EXOC4: variants seen among roughly 807,000 people sequenced by gnomAD.
EXOC4 encodes the protein SEC8-like 1.
In EXOC4, 71 loss-of-function variants were observed where a neutral mutation model predicts 107.2. The ratio of observed to expected loss-of-function variants is 0.66; its 90% confidence interval spans 0.55 to 0.81. EXOC4 has a LOEUF of 0.81. Among genes scored for constraint, EXOC4 ranks in the 30% least tolerant of loss-of-function variants. The probability of loss-of-function intolerance (pLI) is 0.00; values close to 1 mark genes in which losing one functional copy is unlikely to be tolerated. For missense variants in EXOC4, 1,108 were observed against 1,189.6 expected (o/e 0.93, Z 1.01); for synonymous variants, 456 against 441.2 (o/e 1.03, Z -0.42).
chr7:133,651,216 T>G (rs193052633), intron 10 of EXOC4, among the ~76,000 whole-genome samples: 201 of 152,252 alleles, frequency 1.3e-3, no homozygotes, highest in Non-Finnish European at 2.5e-3. Flanking sequence ...TAGCGCCTTC[T>G]GTTCTTTAGG....
chr7:133,935,685 A>G (rs952341402), intron 13 of EXOC4, among the ~76,000 whole-genome samples: 26 of 152,150 alleles, frequency 1.7e-4, no homozygotes, highest in African/African-American at 6.0e-4. Context: ...CCAAGTAAAA[A>G]CTGTTTGCAC....
chr7:133,788,350 A>G (rs1467509841), intron 10 of EXOC4, among the ~76,000 whole-genome samples: 2 of 151,998 alleles, frequency 1.3e-5, no homozygotes, highest in Non-Finnish European at 2.9e-5. Flanking sequence ...ATGTCTAATC[A>G]GTATCTTAAA....
chr7:133,640,760 T>A (rs1171391100), intron 10 of EXOC4, among the ~76,000 whole-genome samples: 1 of 152,196 alleles, frequency 6.6e-6, no homozygotes, highest in African/African-American at 2.4e-5. Context: ...TAATTGGCAA[T>A]TAACATGAGT....
At chr7:133,403,497 A>G (rs1797140798) in intron 7 of EXOC4, among the ~76,000 whole-genome samples, 1 of 149,942 alleles carries the variant, frequency 6.7e-6, no homozygotes, top group Admixed American at 6.6e-5. Context: ...AGCCCATTAT[A>G]GTGATTGGCA....
At chr7:133,541,301 T>C (rs1800374873) in intron 9 of EXOC4, among the ~76,000 whole-genome samples, 2 of 152,118 alleles carry the variant, frequency 1.3e-5, no homozygotes, top group Admixed American at 1.3e-4. Flanking sequence ...TTTTTCACGT[T>C]TGAATATTGG....
At chr7:133,783,081 A>G (rs1796500456) in intron 10 of EXOC4, among the ~76,000 whole-genome samples, 1 of 152,220 alleles carries the variant, frequency 6.6e-6, no homozygotes, top group South Asian at 2.1e-4. Flanking sequence ...GATTGGTAAT[A>G]TAATGTATAT....
chr7:133,399,543 T>C (rs941353220), intron 7 of EXOC4, among the ~76,000 whole-genome samples: 1 of 152,202 alleles, frequency 6.6e-6, no homozygotes, highest in African/African-American at 2.4e-5. Flanking sequence ...GTTGCTTCCA[T>C]TATAAAACTA....
chr7:133,670,398 G>C (rs886471019), intron 10 of EXOC4, among the ~76,000 whole-genome samples: 2 of 152,238 alleles, frequency 1.3e-5, no homozygotes, highest in African/African-American at 4.8e-5. Flanking sequence ...CCTAGCCAGT[G>C]TATGGTTTGT....
At chr7:133,281,465 A>G (rs1340029060) in intron 2 of EXOC4, among the ~76,000 whole-genome samples, 2 of 151,478 alleles carry the variant, frequency 1.3e-5, no homozygotes, top group African/African-American at 4.8e-5. Flanking sequence ...AACAAAATTC[A>G]ACAAAAACAA....
At chr7:133,931,156 G>C (rs921772561) in intron 13 of EXOC4, among the ~76,000 whole-genome samples, 2 of 152,038 alleles carry the variant, frequency 1.3e-5, no homozygotes, top group Non-Finnish European at 2.9e-5. Flanking sequence ...GCTTTTGAAA[G>C]GATCAAGTTC....
At chr7:133,347,817 C>A (rs759993354) in intron 5 of EXOC4, among the ~76,000 whole-genome samples, 26 of 152,048 alleles carry the variant, frequency 1.7e-4, no homozygotes, top group Non-Finnish European at 3.1e-4. Context: ...GGTTAAAGGG[C>A]ATTAAAATCT....
chr7:133,381,123 G>A (rs1052049451), intron 7 of EXOC4, among the ~76,000 whole-genome samples: 2 of 152,062 alleles, frequency 1.3e-5, no homozygotes, highest in Admixed American at 6.6e-5. Context: ...TGAGCATAGA[G>A]CATTTTTGAA....
At chr7:133,325,315 T>G (rs561296151) in intron 5 of EXOC4, among the ~76,000 whole-genome samples, 2 of 152,232 alleles carry the variant, frequency 1.3e-5, no homozygotes, top group Non-Finnish European at 2.9e-5. Flanking sequence ...TTGATGGTCT[T>G]TACAGTTTGG....
intron 1 of EXOC4, among the ~76,000 whole-genome samples, chr7:133,270,729 C>T (rs1793848515): frequency 6.6e-6 from 1 of 152,162 alleles, no homozygotes; most frequent in African/African-American, 2.4e-5. Flanking sequence ...CTGCATTACA[C>T]AGAGGCTTAG....
chr7:133,889,309 G>C (rs1415831431), intron 11 of EXOC4, among the ~76,000 whole-genome samples: 1 of 150,924 alleles, frequency 6.6e-6, no homozygotes, highest in Non-Finnish European at 1.5e-5. Context: ...ACTTGCTCAG[G>C]TCTTGGGAAG....
rs181469421 is a variant in EXOC4 at position 133,673,776 on chromosome 7, T to C, written c.1514+43635T>C. ...ATTATAGGTCTTGTGGGAATTCTGTTAAGTATGTTTTTCAATAATTACTAT... is the reference window on the plus strand; with the variant it reads ...ATTATAGGTCTTGTGGGAATTCTGTCAAGTATGTTTTTCAATAATTACTAT... On this transcript the variant is annotated intron_variant, in intron 10 of 17. Coordinates refer to ENST00000253861, the MANE Select transcript of EXOC4 (RefSeq NM_021807.4). 2.9e-3 allele frequency among the ~76,000 whole-genome samples: 446 copies of C among 152,354 alleles called. 3 individuals carry two copies. The highest frequency in any genetic ancestry group is 6.4e-3 in the Admixed American group (98 of 15,300).
intron 7 of EXOC4, 143 bp downstream of exon 7, chr7:133,375,145 A>G: frequency 1.5e-6 from 1 of 676,534 alleles, no homozygotes; most frequent in South Asian, 2.2e-5. Context: ...TTTGAATGTG[A>G]TGTTGCTGAT....
At chr7:133,317,493 T>C in intron 5 of EXOC4, 103 bp downstream of exon 5, 1 of 748,860 alleles carries the variant, frequency 1.3e-6, no homozygotes, top group Non-Finnish European at 2.3e-6. Context: ...TGGGCTGGGC[T>C]AGGTGGGCCT....
At chr7:134,014,779 A>G (rs957172186) in intron 17 of EXOC4, among the ~76,000 whole-genome samples, 1 of 152,106 alleles carries the variant, frequency 6.6e-6, no homozygotes, top group Non-Finnish European at 1.5e-5. Flanking sequence ...TATGAATTAT[A>G]TCTCGATGAA....
Sources: gnomAD v4.1 joint callset for allele counts (sites outside exome capture counted in the v4.1 genomes callset) on GRCh38, gnomAD v4.1.1 for gene constraint, MANE v1.5 for transcripts, NCBI Gene and HGNC (gene_info 2026-07-23, HGNC 2026-07-21) for gene names.